NPAS3: variants seen among roughly 807,000 people sequenced by gnomAD.
NPAS3 encodes neuronal PAS domain protein 3.
Under a neutral mutation model 73.1 loss-of-function variants are expected in NPAS3, and 14 were observed. The ratio of observed to expected loss-of-function variants is 0.19; its 90% CI spans 0.13 to 0.30. The LOEUF (loss-of-function observed/expected upper bound fraction) is 0.30. NPAS3 is among the 10% of genes least tolerant of loss of function. The pLI, the probability that NPAS3 is intolerant of heterozygous loss-of-function variation, is 1.00. For missense variants in NPAS3, 1,096 were observed against 1,250.0 expected (o/e 0.88, Z 1.86); for synonymous variants, 620 against 541.5 (o/e 1.14, Z -2.01).
intron 4 of NPAS3, among the ~76,000 whole-genome samples, chr14:33,407,447 A>T (rs566169015): frequency 2.6e-5 from 4 of 152,224 alleles, no homozygotes; most frequent in Middle Eastern, 3.4e-3. Flanking sequence ...GTCTCAGTTA[A>T]AGCAATTCTT....
intron 4 of NPAS3, among the ~76,000 whole-genome samples, chr14:33,476,753 T>C (rs1191677302): frequency 6.6e-6 from 1 of 152,198 alleles, no homozygotes; most frequent in African/African-American, 2.4e-5. Context: ...ACCTGGCCCC[T>C]TTACCTTGTG....
chr14:33,083,126 T>A (rs138007156), intron 2 of NPAS3, among the ~76,000 whole-genome samples: 5 of 128,658 alleles, frequency 3.9e-5, no homozygotes, highest in African/African-American at 1.2e-4. Context: ...GAGGTTGCAG[T>A]GAGCCGTGAT....
chr14:33,112,521 T>C (rs1420695608), intron 2 of NPAS3, among the ~76,000 whole-genome samples: 1 of 151,656 alleles, frequency 6.6e-6, no homozygotes, highest in Non-Finnish European at 1.5e-5. Flanking sequence ...GGGGTTGTTT[T>C]TTTCTTGTAA....
rs942229110 is a variant in NPAS3, at chr14:33,613,863, T to G, written c.558+53653T>G. Among the ~76,000 whole-genome samples the G allele has an allele frequency of 2.0e-5, 3 of 152,226 alleles. No individual in the cohort carries two copies. In the East Asian group the frequency reaches 5.9e-4, roughly 30 times the overall value. On this transcript the variant is annotated intron_variant, in intron 5 of 11. Coordinates refer to ENST00000356141, the Ensembl canonical transcript of NPAS3. Reference sequence around the variant, plus strand: ...AAGCTCAGTACTGCTTTGTTTATATTTTCATGTTGGCATTTTCCTTCTCCC... The same window carrying G: ...AAGCTCAGTACTGCTTTGTTTATATGTTCATGTTGGCATTTTCCTTCTCCC...
At chr14:32,993,091 A>C (rs1295213565) in intron 1 of NPAS3, among the ~76,000 whole-genome samples, 1 of 151,346 alleles carries the variant, frequency 6.6e-6, no homozygotes, top group Non-Finnish European at 1.5e-5. Context: ...TGGAGGTTGC[A>C]GTGAGCCTAG....
intron 2 of NPAS3, among the ~76,000 whole-genome samples, chr14:33,121,441 T>TAGG (rs2043227638): frequency 6.6e-6 from 1 of 152,108 alleles, no homozygotes. Context: ...ACTCCCCCAC[T>TAGG]AGACTGATTG....
intron 2 of NPAS3, among the ~76,000 whole-genome samples, chr14:33,119,328 G>A (rs1004706215): frequency 9.9e-5 from 15 of 152,044 alleles, no homozygotes; most frequent in African/African-American, 2.9e-4. Flanking sequence ...CAAATGATAC[G>A]TAAGACAGAA....
chr14:33,773,910 T>A (rs1183089504), intron 7 of NPAS3, among the ~76,000 whole-genome samples: 4 of 152,152 alleles, frequency 2.6e-5, no homozygotes, highest in African/African-American at 7.2e-5. Context: ...GAAGGAGGGC[T>A]CAGAAACCAC....
At chr14:33,365,516 T>C (rs1414729743) in intron 3 of NPAS3, among the ~76,000 whole-genome samples, 1 of 152,202 alleles carries the variant, frequency 6.6e-6, no homozygotes, top group African/African-American at 2.4e-5. Flanking sequence ...TTTTCTGTTT[T>C]AAGATTTTTA....
At chr14:33,148,741 T>C (rs2139226230) in intron 2 of NPAS3, among the ~76,000 whole-genome samples, 1 of 152,268 alleles carries the variant, frequency 6.6e-6, no homozygotes, top group East Asian at 1.9e-4. Context: ...GGCTAGGTTA[T>C]AGTGGCGTGA....
chr14:33,060,110 A>G (rs762939699), intron 2 of NPAS3, among the ~76,000 whole-genome samples: 7 of 152,248 alleles, frequency 4.6e-5, no homozygotes, highest in Non-Finnish European at 1.0e-4. Context: ...TAAAATATTC[A>G]TAGACATGAG....
chr14:33,640,215 A>G (rs561165221), intron 5 of NPAS3, among the ~76,000 whole-genome samples: 2 of 152,214 alleles, frequency 1.3e-5, no homozygotes, highest in East Asian at 1.9e-4. Flanking sequence ...AATTATCTGT[A>G]TAATATTTAC....
intron 2 of NPAS3, among the ~76,000 whole-genome samples, chr14:33,143,867 G>T (rs1401241991): frequency 1.3e-5 from 2 of 152,044 alleles, no homozygotes; most frequent in Admixed American, 6.6e-5. Flanking sequence ...TGTTTTTGAG[G>T]TTCATCCATA....
intron 3 of NPAS3, among the ~76,000 whole-genome samples, chr14:33,295,273 C>T (rs1334351367): frequency 1.3e-5 from 2 of 152,234 alleles, no homozygotes; most frequent in Non-Finnish European, 1.5e-5. Flanking sequence ...TCCCAGCTCC[C>T]GTAAGTACTG....
At chr14:33,676,167 C>G in intron 5 of NPAS3, 44 bp from the exon 6 acceptor site, 1 of 1,593,174 alleles carries the variant, frequency 6.3e-7, no homozygotes. Flanking sequence ...AATGGAGAAG[C>G]CTATATAATG....
intron 2 of NPAS3, among the ~76,000 whole-genome samples, chr14:33,207,917 A>G (rs1048181723): frequency 6.6e-6 from 1 of 152,166 alleles, no homozygotes; most frequent in African/African-American, 2.4e-5. Context: ...GAAAGCAATT[A>G]CTTCATTCCT....
chr14:33,706,570 A>C (rs542753499), intron 6 of NPAS3, among the ~76,000 whole-genome samples: 1 of 152,340 alleles, frequency 6.6e-6, no homozygotes, highest in African/African-American at 2.4e-5. Context: ...AAAATGAATA[A>C]ATAGGAACTT....
chr14:33,612,223 G>GA (rs1162620064), intron 5 of NPAS3, among the ~76,000 whole-genome samples: 4 of 152,176 alleles, frequency 2.6e-5, no homozygotes, highest in African/African-American at 9.6e-5. Context: ...TGAAAAGAGG[G>GA]AAAAAACAGC....
At chr14:33,254,262 C>T (rs1275443280) in intron 3 of NPAS3, among the ~76,000 whole-genome samples, 3 of 152,038 alleles carry the variant, frequency 2.0e-5, no homozygotes, top group African/African-American at 4.8e-5. Context: ...GGATTTCTGT[C>T]CTGTCTGTCC....
Sources: allele counts gnomAD v4.1 joint callset (sites outside exome capture counted in the v4.1 genomes callset), GRCh38; gene constraint gnomAD v4.1.1; transcripts MANE v1.5; gene names NCBI Gene and HGNC (gene_info 2026-07-23, HGNC 2026-07-21).